The following OPHN1 variants were observed in gnomAD, a reference collection of about 807,000 sequenced individuals.
OPHN1 encodes the protein oligophrenin 1.
In OPHN1, 11 loss-of-function variants were observed where a neutral mutation model predicts 60.7. The ratio of observed to expected loss-of-function variants is 0.18; its 90% confidence interval spans 0.11 to 0.30. OPHN1 has a LOEUF of 0.30. Ranked by LOEUF, OPHN1 falls within the 10% of genes least tolerant of loss-of-function variation. The pLI is 1.00. For synonymous variants in OPHN1, 226 were observed against 222.6 expected, an observed-to-expected ratio of 1.02 and a Z score of -0.14; for missense variants, 449 against 611.0, an observed-to-expected ratio of 0.73 and a Z score of 2.80.
intron 15 of OPHN1, among the ~76,000 whole-genome samples, chrX:68,126,836 T>G (rs1382099165): frequency 1.8e-5 from 2 of 112,190 alleles, no homozygotes; most frequent in African/African-American, 6.5e-5. Flanking sequence ...TCCTCTAGGT[T>G]GGTCACTGTG....
intron 5 of OPHN1, among the ~76,000 whole-genome samples, chrX:68,237,515 C>T (rs180939690): frequency 9.0e-6 from 1 of 111,711 alleles, no homozygotes; most frequent in Non-Finnish European, 1.9e-5. Flanking sequence ...TGATTTAGGG[C>T]TTCTTTAATT....
chrX:68,341,112 A>T (rs1378726214), intron 2 of OPHN1, among the ~76,000 whole-genome samples: 2 of 110,974 alleles, frequency 1.8e-5, no homozygotes, highest in African/African-American at 6.5e-5. Flanking sequence ...TAGAATTAAA[A>T]TATCACCATT....
chrX:68,132,739 CAAAAAAAAAAA>C, intron 15 of OPHN1: 1 of 86,695 alleles, frequency 1.2e-5, no homozygotes, highest in South Asian at 6.9e-4. Flanking sequence ...TACTAAGTGT[CAAAAAAAAAAA>C]AAAAAGAAAA....
At chrX:68,214,958 C>T (rs1472288544) in intron 6 of OPHN1, among the ~76,000 whole-genome samples, 1 of 111,780 alleles carries the variant, frequency 8.9e-6, no homozygotes, top group Non-Finnish European at 1.9e-5. Flanking sequence ...GATCGTGCCA[C>T]TGCACTCCAG....
At chrX:68,066,266 T>C (rs1352151886) in intron 20 of OPHN1, among the ~76,000 whole-genome samples, 5 of 111,991 alleles carry the variant, frequency 4.5e-5, no homozygotes, top group Admixed American at 3.8e-4. Context: ...CATGTTCCTA[T>C]CTGAATACTT....
At chrX:68,086,198 A>C (rs1368336718) in intron 19 of OPHN1, among the ~76,000 whole-genome samples, 1 of 110,083 alleles carries the variant, frequency 9.1e-6, no homozygotes, top group African/African-American at 3.3e-5. Flanking sequence ...AAAAAAGCAG[A>C]AATAAATCCT....
chrX:68,376,723 G>A (rs185260437), intron 2 of OPHN1, among the ~76,000 whole-genome samples: 5 of 111,110 alleles, frequency 4.5e-5, no homozygotes, highest in African/African-American at 1.6e-4. Flanking sequence ...CTTATAGAGT[G>A]CCTTGTACCA....
Position 68,172,187 on chromosome X carries a change from T to C in OPHN1, c.1276+20732A>G, listed in dbSNP as rs2077394623. 2.7e-5 allele frequency among the ~76,000 whole-genome samples: 3 copies of C among 112,450 alleles called. No homozygotes were observed. In the South Asian group the frequency reaches 1.1e-3, roughly 41 times the overall value. ...GAACAAAAGTATTCATGATGATTTATTATTCAAATGAGACAAAACTACAAA... is the reference window on the plus strand; with the variant it reads ...GAACAAAAGTATTCATGATGATTTACTATTCAAATGAGACAAAACTACAAA... On this transcript the variant is annotated intron_variant, in intron 15 of 24. Transcript: ENST00000355520.
chrX:68,282,435 C>T (rs779440657), intron 4 of OPHN1, among the ~76,000 whole-genome samples: 1 of 111,534 alleles, frequency 9.0e-6, no homozygotes, highest in East Asian at 2.8e-4. Flanking sequence ...GAAATGTTCA[C>T]GGCCATGAAT....
At chrX:68,357,607 A>G (rs1252442923) in intron 2 of OPHN1, among the ~76,000 whole-genome samples, 1 of 111,168 alleles carries the variant, frequency 9.0e-6, no homozygotes, top group African/African-American at 3.3e-5. Flanking sequence ...GCTGCATAGT[A>G]TTCCATGGTG....
chrX:68,119,427 A>G (rs760747161), intron 15 of OPHN1, 95 bp from the exon 16 acceptor site: 10 of 622,206 alleles, frequency 1.6e-5, no homozygotes, highest in African/African-American at 1.1e-4. Flanking sequence ...TATTACCCTA[A>G]GTAGTTTTTA....
chrX:68,401,771 G>C (rs1011289176), intron 2 of OPHN1, among the ~76,000 whole-genome samples: 2 of 111,486 alleles, frequency 1.8e-5, no homozygotes, highest in African/African-American at 6.5e-5. Context: ...ATGTATGGGG[G>C]TAAGAGCATT....
intron 2 of OPHN1, among the ~76,000 whole-genome samples, chrX:68,361,788 T>C (rs1043520406): frequency 9.8e-5 from 11 of 111,803 alleles, no homozygotes; most frequent in African/African-American, 3.6e-4. Context: ...TTTTTAATTT[T>C]TTGAAGAAAT....
Position 68,325,585 on chromosome X carries a change from T to TTTTTTTTTTTGAGAC in OPHN1, c.155-26490_155-26489insGTCTCAAAAAAAAAA. On this transcript the variant is annotated intron_variant, in intron 2 of 24. Transcript: ENST00000355520. ...GTGAAAAGCAAAATTTTTAAACTTTTGGATAAAGACCACAGTCTCCCTCTC... is the reference window on the plus strand; with the variant it reads ...GTGAAAAGCAAAATTTTTAAACTTTTTTTTTTTTTTGAGACGGATAAAGACCACAGTCTCCCTCTC... Among the ~76,000 whole-genome samples, 87 of 71,469 alleles carry TTTTTTTTTTTGAGAC rather than the reference T, an allele frequency of 1.2e-3. 2 individuals are homozygous for TTTTTTTTTTTGAGAC. The highest frequency in any genetic ancestry group is 5.5e-3 in the African/African-American group (83 of 15,224). 62.1% of individuals were successfully genotyped at this position (71,469 alleles called of 115,157 possible).
intron 2 of OPHN1, among the ~76,000 whole-genome samples, chrX:68,375,003 T>C (rs1341042080): frequency 1.8e-5 from 2 of 112,282 alleles, no homozygotes; most frequent in Non-Finnish European, 3.8e-5. Flanking sequence ...CTGGAATTCT[T>C]ATACATTGCT....
intron 2 of OPHN1, among the ~76,000 whole-genome samples, chrX:68,300,142 G>T (rs141433612): frequency 1.8e-5 from 2 of 111,397 alleles, no homozygotes; most frequent in Non-Finnish European, 3.8e-5. Flanking sequence ...TCTCTTTTCC[G>T]ATTTCTTCTT....
At chrX:68,343,048 G>A (rs1220358514) in intron 2 of OPHN1, among the ~76,000 whole-genome samples, 2 of 109,462 alleles carry the variant, frequency 1.8e-5, no homozygotes, top group Non-Finnish European at 3.8e-5. Flanking sequence ...CGAGGCAGGT[G>A]GATCACCTGA....
intron 15 of OPHN1, among the ~76,000 whole-genome samples, chrX:68,182,317 G>A (rs1413025053): frequency 9.6e-6 from 1 of 103,850 alleles, no homozygotes; most frequent in Non-Finnish European, 1.9e-5. Context: ...CTTGGATAAT[G>A]AACTGCTGGG....
chrX:68,402,893 C>T lies in OPHN1; in HGVS notation c.154+29974G>A, dbSNP rs796957335. Among the ~76,000 whole-genome samples, 27 of 111,710 alleles carry T rather than the reference C, an allele frequency of 2.4e-4. No individual in the cohort carries two copies. The East Asian group carries it at 7.6e-3, about 31-fold the overall frequency. On this transcript the variant is annotated intron_variant, in intron 2 of 24. Coordinates refer to ENST00000355520, the MANE Select transcript of OPHN1 (RefSeq NM_002547.3). ...TCTCTCCGAGAAAAACAAACATAGGCACATACTCACACGTTAAAAGATAAA... is the reference window on the plus strand; with the variant it reads ...TCTCTCCGAGAAAAACAAACATAGGTACATACTCACACGTTAAAAGATAAA...
Sources: allele counts gnomAD v4.1 joint callset (sites outside exome capture counted in the v4.1 genomes callset), GRCh38; gene constraint gnomAD v4.1.1; transcripts MANE v1.5; gene names NCBI Gene and HGNC (gene_info 2026-07-23, HGNC 2026-07-21).